The following PRDX5 variants were observed in gnomAD, a reference collection of about 807,000 sequenced individuals.
PRDX5 encodes the protein peroxiredoxin 5, also known as peroxiredoxin-5, mitochondrial.
Under a neutral mutation model 23.8 loss-of-function variants are expected in PRDX5, and 21 were observed. The ratio of observed to expected loss-of-function variants is 0.88; its 90% CI spans 0.63 to 1.27. The LOEUF is 1.27. Among genes scored for constraint, PRDX5 ranks in the 50% most tolerant of loss-of-function variants. The pLI is 0.00. For synonymous variants in PRDX5, 111 were observed against 113.3 expected, an observed-to-expected ratio of 0.98 and a Z score of 0.13; for missense variants, 261 against 270.6, an observed-to-expected ratio of 0.96 and a Z score of 0.25.
At chr11:64,318,820 CTCCT>C (rs2035401875) in intron 1 of PRDX5, among the ~76,000 whole-genome samples, 1 of 151,240 alleles carries the variant, frequency 6.6e-6, no homozygotes, top group Admixed American at 6.6e-5. Flanking sequence ...TGGTCTCGAA[CTCCT>C]GACCTCAGGT....
intron 1 of PRDX5, among the ~76,000 whole-genome samples, chr11:64,318,713 G>T (rs1370794679): frequency 2.0e-5 from 3 of 152,002 alleles, no homozygotes; most frequent in Non-Finnish European, 4.4e-5. Flanking sequence ...CGATTCTACT[G>T]CCTCAGCCTC....
At chr11:64,319,660 C>G in intron 1 of PRDX5, 74 bp from the exon 2 acceptor site, 1 of 1,518,896 alleles carries the variant, frequency 6.6e-7, no homozygotes, top group South Asian at 1.2e-5. Flanking sequence ...AGCTGCCAGG[C>G]TCTCTGTTCA....
chr11:64,320,825 A>G (rs757205834), intron 3 of PRDX5, 33 bp downstream of exon 3: 2 of 1,614,230 alleles, frequency 1.2e-6, no homozygotes, highest in Non-Finnish European at 1.7e-6. Flanking sequence ...AGTCAGGACC[A>G]GGTAGGATAT....
rs929596894 is a variant in PRDX5 at position 64,318,458 on chromosome 11, A to T, written c.171+72A>T. 36 of 1,522,788 alleles carry T rather than the reference A, an allele frequency of 2.4e-5. 1 individual carries two copies. Among genetic ancestry groups the T allele is most frequent in the Non-Finnish European group, 3.2e-5 (36 of 1,136,168 alleles). The allele number at this position is 1,522,788 out of a possible 1,614,324, so 94.3% of individuals were successfully genotyped here. A position where few individuals can be genotyped will look rare whatever the true frequency, so the allele number is the denominator to read the frequency against. On this transcript the variant is annotated intron_variant, in intron 1 of 5. Transcript: ENST00000265462. ...GCAATCCCCGTCCCGCTAGTCTGAG[A>T]GTATCGCTTTATTTCCTGCCTGCCA...
chr11:64,321,539 C>T (rs201577626), intron 5 of PRDX5, 47 bp from the exon 6 acceptor site: 19 of 1,596,392 alleles, frequency 1.2e-5, no homozygotes, highest in East Asian at 4.5e-5. Context: ...CATGCCCAGC[C>T]TCCAAGCCCA....
rs200412793 is a variant in PRDX5, at chr11:64,320,734, G to C, written c.380G>C (p.Ser127Thr). The C allele has an allele frequency of 4.9e-5, 79 of 1,614,028 alleles. 2 individuals are homozygous for C. The South Asian group carries it at 8.2e-4, about 17-fold the overall frequency. The change falls in exon 3 of 6, where the codon AGT becomes ACT. Residue 127 changes from serine to threonine, a missense_variant. Ser to Thr is a moderately conservative substitution (Grantham distance 58). Transcript: ENST00000265462. ...GGAGTCCAGGTGGTGGCCTGTCTGA[G>C]TGTTAATGATGCCTTTGTGACTGGC... ...AKGVQVVACL[S>T]VNDAFVTGEW...
rs1388315079 is a variant in PRDX5 at position 64,318,294 on chromosome 11, G to GCAGC, written c.80_83dup (p.Ala29SerfsTer8). On this transcript the variant is annotated frameshift_variant, in exon 1 of 6. Coordinates refer to ENST00000265462, the MANE Select transcript of PRDX5 (RefSeq NM_012094.5). LOFTEE classifies it high-confidence loss of function. ...CGGTGGGGCCGGCGGTCAGTCTGCG[G>GCAGC]CAGCGGCAGCAAGACGGTACAGTGA... 6.2e-7 allele frequency: 1 copy of GCAGC among 1,612,540 alleles called. No homozygotes were observed. The highest frequency in any genetic ancestry group is 1.1e-5 in the South Asian group (1 of 91,020).
intron 1 of PRDX5, among the ~76,000 whole-genome samples, chr11:64,318,760 C>T (rs1317145779): frequency 6.6e-6 from 1 of 151,960 alleles, no homozygotes; most frequent in African/African-American, 2.4e-5. Flanking sequence ...GCCACCACGC[C>T]CAGCTATTGT....
intron 1 of PRDX5, 118 bp from the exon 2 acceptor site, chr11:64,319,614 ATC>A: frequency 7.7e-7 from 1 of 1,298,454 alleles, no homozygotes; most frequent in Non-Finnish European, 1.1e-6. Flanking sequence ...GGGCTGGAGT[ATC>A]CTGCTGGGTT....
chr11:64,321,139 G>A, intron 5 of PRDX5, 71 bp downstream of exon 5: 1 of 1,438,974 alleles, frequency 6.9e-7, no homozygotes. Flanking sequence ...AGAGTCCTCT[G>A]TGGAGAGGGT....
At chr11:64,319,576 G>A (rs1285150129) in intron 1 of PRDX5, among the ~76,000 whole-genome samples, 158 bp from the exon 2 acceptor site, 4 of 152,210 alleles carry the variant, frequency 2.6e-5, no homozygotes, top group African/African-American at 7.2e-5. Flanking sequence ...CAGTGGGAGC[G>A]GGCAGGGAGG....
In PRDX5 at chr11:64,321,061, C is replaced by T. The variant is rs369203832; in HGVS notation, c.532C>T (p.Leu178Phe). The T allele has an allele frequency of 6.2e-7, 1 of 1,613,560 alleles. No individual in the cohort carries two copies. The highest frequency in any genetic ancestry group is 1.3e-5 in the African/African-American group (1 of 74,924). The change falls in exon 5 of 6, where the codon CTC (leucine) becomes TTC (phenylalanine). Residue 178 changes from leucine (L) to phenylalanine (F), a missense_variant. Transcript: ENST00000265462. ...GGTGTCCATCTTTGGGAATCGACGTCTCAAGAGGTAAAAGTGGAGAGTCCT... is the reference window on the plus strand; with the variant it reads ...GGTGTCCATCTTTGGGAATCGACGTTTCAAGAGGTAAAAGTGGAGAGTCCT... ...SLVSIFGNRR[L>F]KRFSMVVQDG...
chr11:64,320,490 A>G (rs1481492184), intron 2 of PRDX5, among the ~76,000 whole-genome samples, 171 bp from the exon 3 acceptor site: 1 of 152,254 alleles, frequency 6.6e-6, no homozygotes, highest in African/African-American at 2.4e-5. Context: ...ATTAGGTTTC[A>G]TTCTGAGCTT....
intron 1 of PRDX5, among the ~76,000 whole-genome samples, 186 bp downstream of exon 1, chr11:64,318,572 C>T (rs1173233930): frequency 1.3e-5 from 2 of 152,190 alleles, no homozygotes; most frequent in Admixed American, 6.5e-5. Flanking sequence ...GCCTCACCTC[C>T]CGGGACAGTC....
At chr11:64,320,247 C>T (rs1298286337) in intron 2 of PRDX5, among the ~76,000 whole-genome samples, 1 of 151,596 alleles carries the variant, frequency 6.6e-6, no homozygotes, top group Non-Finnish European at 1.5e-5. Flanking sequence ...CCTCTGCAGT[C>T]CAGCCTGGGT....
chr11:64,318,144 G>C lies in PRDX5; in HGVS notation c.-72G>C. The C allele has an allele frequency of 1.9e-6, 3 of 1,589,228 alleles. No individual in the cohort carries two copies. The highest frequency in any genetic ancestry group is 8.5e-7 in the Non-Finnish European group (1 of 1,170,038). ...GCCTTCCGCAGGGTGTCGCCGCTGT[G>C]CCGCTAGCGGTGCCCCGCCTGCTGC... is the stretch of plus-strand genomic sequence containing the variant. On this transcript the variant is annotated 5_prime_UTR_variant, in exon 1 of 6. Coordinates refer to ENST00000265462, the MANE Select transcript of PRDX5 (RefSeq NM_012094.5).
chr11:64,321,671 A>C lies in PRDX5; in HGVS notation c.625A>C (p.Asn209His), dbSNP rs1011387506. Residue 209 changes from asparagine to histidine, a missense_variant, in exon 6 of 6, where the codon AAT becomes CAT. By Grantham distance (68) the Asn-to-His change is moderately conservative. Transcript: ENST00000265462. ...AGGCCTCACCTGCAGCCTGGCACCCAATATCATCTCACAGCTCTGAGGCCC... is the reference window on the plus strand; with the variant it reads ...AGGCCTCACCTGCAGCCTGGCACCCCATATCATCTCACAGCTCTGAGGCCC... Reference protein sequence around the residue: ...GTGLTCSLAPNIISQL With the variant: ...GTGLTCSLAPHIISQL 3.8e-6 allele frequency: 6 copies of C among 1,593,110 alleles called. No individual in the cohort carries two copies. The African/African-American group carries it at 8.1e-5, about 21-fold the overall frequency.
chr11:64,319,456 T>C (rs2035428907), intron 1 of PRDX5, among the ~76,000 whole-genome samples: 1 of 152,224 alleles, frequency 6.6e-6, no homozygotes, highest in Non-Finnish European at 1.5e-5. Context: ...CAGCATGTTA[T>C]GCAACCCTTT....
chr11:64,320,699 G>A lies in PRDX5; in HGVS notation c.345G>A (p.Leu115=). ...LPGFVEQAEA[L]KAKGVQVVAC... ...GGTTTGTGGAGCAGGCTGAGGCTCT[G>A]AAGGCCAAGGGAGTCCAGGTGGTGG... The change falls in exon 3 of 6, where the codon CTG becomes CTA. Residue 115 remains leucine, a synonymous_variant. Coordinates refer to ENST00000265462, the MANE Select transcript of PRDX5 (RefSeq NM_012094.5). The A allele has an allele frequency of 1.2e-6, 2 of 1,611,510 alleles. No homozygotes were observed. Among genetic ancestry groups the A allele is most frequent in the South Asian group, 2.2e-5 (2 of 90,960 alleles).
Sources: allele counts gnomAD v4.1 joint callset (sites outside exome capture counted in the v4.1 genomes callset), GRCh38; gene constraint gnomAD v4.1.1; transcripts MANE v1.5; gene names NCBI Gene and HGNC (gene_info 2026-07-23, HGNC 2026-07-21).